Variants in OLFM2 observed in about 807,000 individuals in gnomAD.
OLFM2 encodes noelin-2.
A neutral mutation model predicts 43.9 loss-of-function variants in OLFM2; 20 were observed. The observed-to-expected ratio is 0.46, with a 90% CI of 0.32 to 0.66. The LOEUF (loss-of-function observed/expected upper bound fraction) is 0.66. Ranked by LOEUF, OLFM2 falls within the 30% of genes least tolerant of loss-of-function variation. The probability of loss-of-function intolerance (pLI) is 0.04; values close to 1 mark genes in which losing one functional copy is unlikely to be tolerated. For missense variants in OLFM2, 416 were observed against 643.6 expected (o/e 0.65, Z 3.83); for synonymous variants, 268 against 278.6 (o/e 0.96, Z 0.38).
intron 1 of OLFM2, among the ~76,000 whole-genome samples, chr19:9,932,320 T>G (rs938525202): frequency 6.6e-6 from 1 of 151,576 alleles, no homozygotes; most frequent in Non-Finnish European, 1.5e-5. Context: ...GGGCATCAGG[T>G]GGCACGTGCC....
At chr19:9,913,214 G>A (rs1057429008) in intron 1 of OLFM2, among the ~76,000 whole-genome samples, 5 of 152,090 alleles carry the variant, frequency 3.3e-5, no homozygotes, top group Admixed American at 3.3e-4. Flanking sequence ...CTCAGACATT[G>A]CTCACTAATA....
chr19:9,894,066 A>G (rs12976182), intron 1 of OLFM2, among the ~76,000 whole-genome samples: 78,910 of 151,606 alleles, frequency 0.52, 21,073 homozygotes, highest in Admixed American at 0.61. Context: ...GCCAAGGCGG[A>G]TGGATCACTT....
At chr19:9,887,586 T>G (rs1266533828) in intron 1 of OLFM2, among the ~76,000 whole-genome samples, 2 of 152,116 alleles carry the variant, frequency 1.3e-5, no homozygotes, top group Non-Finnish European at 2.9e-5. Context: ...ATTGCTCACC[T>G]GAACCAGCAG....
At chr19:9,893,287 C>T (rs2046653771) in intron 1 of OLFM2, among the ~76,000 whole-genome samples, 2 of 152,084 alleles carry the variant, frequency 1.3e-5, no homozygotes, top group Admixed American at 6.6e-5. Context: ...GCCTCAGCCT[C>T]CCAAGTAGCT....
chr19:9,924,406 CAAAAAAAAAAAAAAAA>C (rs1166738814), intron 1 of OLFM2, among the ~76,000 whole-genome samples: 1 of 25,790 alleles, frequency 3.9e-5, no homozygotes, highest in Non-Finnish European at 9.6e-5. Flanking sequence ...ACTCTGTCTC[CAAAAAAAAAAAAAAAA>C]AAAAAAAAAA....
chr19:9,860,456 AG>A (rs1237887390), intron 2 of OLFM2, among the ~76,000 whole-genome samples, 188 bp downstream of exon 2: 2 of 145,946 alleles, frequency 1.4e-5, no homozygotes, highest in Non-Finnish European at 3.0e-5. Flanking sequence ...TGGGTAACAG[AG>A]TGAGACCCTG....
At position 9,925,634 on chromosome 19, in the gene OLFM2, C is replaced by T. The variant is rs372451414; in HGVS notation, c.63+10670G>A. 8.3e-4 allele frequency among the ~76,000 whole-genome samples: 125 copies of T among 151,448 alleles called. 1 individual carries two copies. The South Asian group carries it at 0.026, about 31-fold the overall frequency. ...ATTTGTTGTAGAGACACGGTTTCAC[C>T]ATGTTGCTGAGGTTGGTCTCAAACT... On this transcript the variant is annotated intron_variant, in intron 1 of 5. Coordinates refer to ENST00000264833, the MANE Select transcript of OLFM2 (RefSeq NM_058164.4).
At chr19:9,928,741 G>T (rs2086467009) in intron 1 of OLFM2, among the ~76,000 whole-genome samples, 1 of 151,920 alleles carries the variant, frequency 6.6e-6, no homozygotes, top group Non-Finnish European at 1.5e-5. Context: ...GGAGGCAGAG[G>T]TTGCAGTGAG....
At position 9,854,459 on chromosome 19, in the gene OLFM2, G is replaced by A; in HGVS notation, c.1092C>T (p.Gly364=). 1 of 1,614,124 alleles carries A rather than the reference G, an allele frequency of 6.2e-7. No individual in the cohort carries two copies. The change falls in exon 6 of 6, where the codon GGC becomes GGT. Residue 364 remains glycine, a synonymous_variant. Coordinates refer to ENST00000264833, the MANE Select transcript of OLFM2 (RefSeq NM_058164.4). The surrounding 1 kb of genome is among the most constrained non-coding windows in gnomAD (Gnocchi z 9.5). Reference sequence around the variant, plus strand: ...CCTCGCCAGCGCTGCGCTTGGGGTAGCCGGTGTCCCAGGACCGCATGACCT... The same window carrying A: ...CCTCGCCAGCGCTGCGCTTGGGGTAACCGGTGTCCCAGGACCGCATGACCT... ...TLEVMRSWDT[G]YPKRSAGEAF...
At chr19:9,913,458 C>G in intron 1 of OLFM2, 1 of 1,044,608 alleles carries the variant, frequency 9.6e-7, no homozygotes, top group Non-Finnish European at 1.2e-6. Flanking sequence ...CCCCCGGGAG[C>G]GCCCCCCGCG....
chr19:9,920,147 C>T (rs1437681922), intron 1 of OLFM2, among the ~76,000 whole-genome samples: 1 of 151,958 alleles, frequency 6.6e-6, no homozygotes, highest in Non-Finnish European at 1.5e-5. Context: ...GGCATGGTGG[C>T]ATGTCCCTGT....
intron 1 of OLFM2, among the ~76,000 whole-genome samples, chr19:9,919,752 G>A (rs1423871848): frequency 6.6e-6 from 1 of 150,714 alleles, no homozygotes; most frequent in African/African-American, 2.4e-5. Flanking sequence ...AAAGTGCTGG[G>A]ATTACAGGCA....
chr19:9,914,724 C>G (rs1362205089), intron 1 of OLFM2, among the ~76,000 whole-genome samples: 2 of 152,096 alleles, frequency 1.3e-5, no homozygotes, highest in African/African-American at 2.4e-5. Context: ...CGCCGCCCAC[C>G]CGTCCGCCCA....
At chr19:9,880,702 T>C (rs1317293674) in intron 1 of OLFM2, among the ~76,000 whole-genome samples, 1 of 152,184 alleles carries the variant, frequency 6.6e-6, no homozygotes, top group Middle Eastern at 3.4e-3. Context: ...TGCAAGCCAA[T>C]GAGAGAGGCC....
In OLFM2 at chr19:9,853,967, AAG is replaced by A. The variant is rs1159391212; in HGVS notation, c.*217_*218del. 3.4e-6 allele frequency: 2 copies of A among 584,872 alleles called. No individual in the cohort carries two copies. The highest frequency in any genetic ancestry group is 3.7e-5 in the African/African-American group (2 of 53,600). 36.2% of individuals were successfully genotyped at this position (584,872 alleles called of 1,614,324 possible). A position where few individuals can be genotyped will look rare whatever the true frequency, so the allele number is the denominator to read the frequency against. On this transcript the variant is annotated 3_prime_UTR_variant, in exon 6 of 6. Coordinates refer to ENST00000264833, the MANE Select transcript of OLFM2 (RefSeq NM_058164.4). ...AGACATCCATAAAAAGGCAGAAAGA[AAG>A]AAGTGGTGTATTAAAAGCAGAGATC...
intron 1 of OLFM2, chr19:9,913,906 GC>G (rs1487657108): frequency 6.6e-6 from 1 of 152,094 alleles, no homozygotes; most frequent in East Asian, 2.0e-4. Flanking sequence ...CACGCCTCCG[GC>G]CCGGAGCCCG....
chr19:9,908,187 C>T (rs112320893), intron 1 of OLFM2, among the ~76,000 whole-genome samples: 4,124 of 152,198 alleles, frequency 0.027, 86 homozygotes, highest in Non-Finnish European at 0.043. Context: ...AGGCGTGGTG[C>T]GATCATAGCT....
At chr19:9,872,750 CTATCCATCCATT>C (rs1347487811) in intron 1 of OLFM2, among the ~76,000 whole-genome samples, 1 of 152,082 alleles carries the variant, frequency 6.6e-6, no homozygotes, top group Non-Finnish European at 1.5e-5. Flanking sequence ...ATCTATCCAT[CTATCCATCCATT>C]CATTCATCTG....
At chr19:9,905,005 T>A (rs1372434333) in intron 1 of OLFM2, among the ~76,000 whole-genome samples, 1 of 149,336 alleles carries the variant, frequency 6.7e-6, no homozygotes. Flanking sequence ...GGTGACAGAG[T>A]GAGACCCTGT....
Sources: allele counts gnomAD v4.1 joint callset (sites outside exome capture counted in the v4.1 genomes callset), GRCh38; gene constraint gnomAD v4.1.1; non-coding constraint Gnocchi (gnomAD v3.1); transcripts MANE v1.5; gene names NCBI Gene and HGNC (gene_info 2026-07-23, HGNC 2026-07-21).